CCDC7: variants seen among roughly 807,000 people sequenced by gnomAD.
CCDC7 encodes coiled-coil domain containing 7, also known as coiled-coil domain-containing protein 7.
Under a neutral mutation model 196.9 loss-of-function variants are expected in CCDC7, and 183 were observed. The ratio of observed to expected loss-of-function variants is 0.93; its 90% CI spans 0.82 to 1.05. The LOEUF is 1.05. Ranked by LOEUF, CCDC7 falls within the 50% of genes least tolerant of loss-of-function variation. The pLI is 0.00. For synonymous variants in CCDC7, 525 were observed against 484.6 expected, an observed-to-expected ratio of 1.08 and a Z score of -1.10; for missense variants, 1,540 against 1,482.2, an observed-to-expected ratio of 1.04 and a Z score of -0.64.
chr10:32,658,527 C>G (rs1390312973), intron 20 of CCDC7, among the ~76,000 whole-genome samples: 1 of 152,174 alleles, frequency 6.6e-6, no homozygotes. Flanking sequence ...TTACCTCCTG[C>G]TGGGTCCCTC....
At chr10:32,575,451 C>A (rs992069443) in intron 16 of CCDC7, among the ~76,000 whole-genome samples, 6 of 152,150 alleles carry the variant, frequency 3.9e-5, no homozygotes, top group Admixed American at 3.9e-4. Flanking sequence ...TGTCATTATT[C>A]CGTAGAGAAA....
chr10:32,491,984 A>G, exon 9 of CCDC7: 2 of 1,577,198 alleles, frequency 1.3e-6, no homozygotes, highest in Non-Finnish European at 1.7e-6. Flanking sequence ...AAACCAGGCA[A>G]ATATGTTGGA....
intron 40 of CCDC7, among the ~76,000 whole-genome samples, chr10:32,852,976 T>TA: frequency 6.6e-6 from 1 of 152,304 alleles, no homozygotes; most frequent in Admixed American, 6.5e-5. Flanking sequence ...CAAGATAGGC[T>TA]AGGACTCAAA....
intron 41 of CCDC7, among the ~76,000 whole-genome samples, chr10:32,855,999 A>G (rs1310575712): frequency 6.6e-6 from 1 of 152,198 alleles, no homozygotes; most frequent in Non-Finnish European, 1.5e-5. Flanking sequence ...TTTACAACAT[A>G]TGATGCTGAG....
chr10:32,672,368 T>G (rs1171426980), intron 21 of CCDC7, among the ~76,000 whole-genome samples: 1 of 152,160 alleles, frequency 6.6e-6, no homozygotes. Context: ...GGATTTGGAA[T>G]GCAAACTACC....
intron 24 of CCDC7, among the ~76,000 whole-genome samples, chr10:32,707,746 T>G (rs2080044592): frequency 1.3e-5 from 2 of 152,052 alleles, no homozygotes; most frequent in African/African-American, 4.8e-5. Context: ...ATAAAACACC[T>G]GGGAATCCAA....
intron 28 of CCDC7, among the ~76,000 whole-genome samples, chr10:32,765,003 TCTTA>T (rs56877461): frequency 0.1 from 15,834 of 151,900 alleles, 1,008 homozygotes; most frequent in South Asian, 0.25. Context: ...TCTACTAAAT[TCTTA>T]CTTAATCTGT....
chr10:32,457,391 T>C (rs1461845832), intron 3 of CCDC7, among the ~76,000 whole-genome samples: 1 of 152,218 alleles, frequency 6.6e-6, no homozygotes, highest in East Asian at 1.9e-4. Flanking sequence ...TAGTAGTCCA[T>C]TCCCCCTATA....
chr10:32,464,682 A>AT (rs1050710141), intron 5 of CCDC7, among the ~76,000 whole-genome samples: 9 of 151,424 alleles, frequency 5.9e-5, no homozygotes, highest in Admixed American at 2.0e-4. Flanking sequence ...GCTAATTGGT[A>AT]TTTTTTTTAG....
At chr10:32,796,272 G>T (rs181243169) in intron 29 of CCDC7, among the ~76,000 whole-genome samples, 1 of 151,924 alleles carries the variant, frequency 6.6e-6, no homozygotes, top group Non-Finnish European at 1.5e-5. Flanking sequence ...GGCTTTCTGT[G>T]GGGGAAAGGG....
chr10:32,721,518 G>T (rs1170429641), intron 25 of CCDC7, among the ~76,000 whole-genome samples: 1 of 152,118 alleles, frequency 6.6e-6, no homozygotes, highest in Non-Finnish European at 1.5e-5. Context: ...AGCCTTACTG[G>T]TAACATAATA....
chr10:32,676,925 A>G (rs1030910664), intron 21 of CCDC7, among the ~76,000 whole-genome samples: 6 of 152,152 alleles, frequency 3.9e-5, no homozygotes, highest in East Asian at 1.9e-4. Context: ...GCACACATAT[A>G]TTTATTGCGG....
intron 18 of CCDC7, among the ~76,000 whole-genome samples, chr10:32,629,766 A>G (rs2064578546): frequency 1.3e-5 from 2 of 152,186 alleles, no homozygotes; most frequent in South Asian, 2.1e-4. Context: ...GTAGAAATCC[A>G]GAGAAGGCAC....
At position 32,863,497 on chromosome 10, in the gene CCDC7, TGC is replaced by T. The variant is rs145935605; in HGVS notation, c.4111+9009_4111+9010del. On this transcript the variant is annotated intron_variant, in intron 41 of 41. Transcript: ENST00000639629. ...CCTTTCAAATTGCTAAGACTACAGG[TGC>T]ACACCACCACATTCAGCTATTTTTT... Among the ~76,000 whole-genome samples the T allele has an allele frequency of 8.2e-3, 1,248 of 152,086 alleles. 16 individuals are homozygous for T. The highest frequency in any genetic ancestry group is 0.014 in the Non-Finnish European group (960 of 67,964).
chr10:32,587,583 G>A (rs1199218326), intron 18 of CCDC7, among the ~76,000 whole-genome samples: 1 of 152,134 alleles, frequency 6.6e-6, no homozygotes, highest in Non-Finnish European at 1.5e-5. Context: ...AACTTTAGGA[G>A]GCACGTTTAA....
At chr10:32,822,093 G>T (rs146224640) in intron 31 of CCDC7, among the ~76,000 whole-genome samples, 2 of 152,102 alleles carry the variant, frequency 1.3e-5, no homozygotes, top group Middle Eastern at 3.4e-3. Flanking sequence ...AAAATTGAGA[G>T]ATTTCATTTC....
At chr10:32,566,573 C>T in intron 14 of CCDC7, among the ~76,000 whole-genome samples, 1 of 151,828 alleles carries the variant, frequency 6.6e-6, no homozygotes, top group East Asian at 1.9e-4. Flanking sequence ...ATGAAAAGAG[C>T]ATAAGATGTA....
At chr10:32,821,180 A>G (rs1355040767) in intron 31 of CCDC7, among the ~76,000 whole-genome samples, 2 of 152,268 alleles carry the variant, frequency 1.3e-5, no homozygotes, top group Non-Finnish European at 2.9e-5. Flanking sequence ...TCAAAAGAAG[A>G]CATTTATGCA....
rs139744006 is a variant in CCDC7, at chr10:32,599,012, C to T, written c.1801+14708C>T. On this transcript the variant is annotated intron_variant, in intron 18 of 41. Coordinates refer to ENST00000639629, the Ensembl canonical transcript of CCDC7. ...GTGTCCATTATTAAAAGAAGAGTAT[C>T]TATATCTCCAAGTATAATAGATCTG... 5.9e-3 allele frequency among the ~76,000 whole-genome samples: 902 copies of T among 152,228 alleles called. 9 individuals carry two copies. Among genetic ancestry groups the T allele is most frequent in the African/African-American group, 0.021 (861 of 41,528 alleles).
Sources: gnomAD v4.1 joint callset for allele counts (sites outside exome capture counted in the v4.1 genomes callset) on GRCh38, gnomAD v4.1.1 for gene constraint, MANE v1.5 for transcripts, NCBI Gene and HGNC (gene_info 2026-07-23, HGNC 2026-07-21) for gene names.